SGK2: variants seen among roughly 807,000 people sequenced by gnomAD.
SGK2 encodes the protein serine/threonine-protein kinase Sgk2.
In SGK2, 36 loss-of-function variants were observed where a neutral mutation model predicts 47.5. The ratio of observed to expected loss-of-function variants is 0.76; its 90% CI spans 0.58 to 1.00. SGK2 has a LOEUF of 1.00. Ranked by LOEUF, SGK2 falls within the 50% of genes least tolerant of loss-of-function variation. SGK2 has a pLI of 0.00. For synonymous variants in SGK2, 157 were observed against 181.9 expected (o/e 0.86, Z 1.10); for missense variants, 404 against 467.4 (o/e 0.86, Z 1.25).
chr20:43,571,341 A>C (rs1980117904), intron 8 of SGK2, among the ~76,000 whole-genome samples: 1 of 152,186 alleles, frequency 6.6e-6, no homozygotes, highest in African/African-American at 2.4e-5. Context: ...ACTGGGCTCC[A>C]TGGAAACAGA....
intron 5 of SGK2, 78 bp downstream of exon 5, chr20:43,568,077 C>A: frequency 1.7e-6 from 2 of 1,156,750 alleles, no homozygotes; most frequent in African/African-American, 1.5e-5. Flanking sequence ...AGATGGGTCC[C>A]ACCTCTGACA....
intron 12 of SGK2, chr20:43,583,721 C>A: frequency 1.8e-6 from 1 of 551,580 alleles, no homozygotes; most frequent in Non-Finnish European, 2.3e-6. Flanking sequence ...GTAACCCCAG[C>A]ACTTTATGAG....
chr20:43,571,502 G>A (rs1221054165), intron 8 of SGK2, among the ~76,000 whole-genome samples: 2 of 152,204 alleles, frequency 1.3e-5, no homozygotes, highest in African/African-American at 4.8e-5. Flanking sequence ...GCCGGCAGGG[G>A]GAGGGCCTGA....
intron 5 of SGK2, among the ~76,000 whole-genome samples, chr20:43,568,714 G>A (rs867045934): frequency 2.7e-5 from 4 of 150,486 alleles, no homozygotes; most frequent in Non-Finnish European, 4.4e-5. Context: ...CAAGAGATCC[G>A]CTGGCCTCAG....
chr20:43,576,443 C>T (rs899842946), intron 11 of SGK2, 64 bp downstream of exon 11: 3 of 1,449,212 alleles, frequency 2.1e-6, no homozygotes, highest in Admixed American at 1.9e-5. Flanking sequence ...AGAGGCAGCT[C>T]AGAAGCACAT....
intron 11 of SGK2, among the ~76,000 whole-genome samples, chr20:43,577,073 G>T (rs1980504969): frequency 6.6e-6 from 1 of 152,146 alleles, no homozygotes; most frequent in Non-Finnish European, 1.5e-5. Flanking sequence ...ATAATGGGAG[G>T]GGGGGCAAAT....
At chr20:43,567,625 C>T (rs1186484837) in intron 3 of SGK2, 40 bp from the exon 4 acceptor site, 28 of 1,597,574 alleles carry the variant, frequency 1.8e-5, no homozygotes, top group Non-Finnish European at 2.3e-5. Flanking sequence ...GGTTTCCAGA[C>T]ATTGCAAATG....
At chr20:43,574,032 G>T (rs938213759) in intron 9 of SGK2, among the ~76,000 whole-genome samples, 16 of 152,204 alleles carry the variant, frequency 1.1e-4, no homozygotes, top group African/African-American at 3.1e-4. Flanking sequence ...TCTTAGAACA[G>T]CTTCTAGCAG....
chr20:43,581,819 G>T (rs193081483), intron 12 of SGK2, among the ~76,000 whole-genome samples: 1 of 151,808 alleles, frequency 6.6e-6, no homozygotes, highest in Non-Finnish European at 1.5e-5. Context: ...GTGAGCCACC[G>T]CACCTGGCCA....
At chr20:43,582,541 CCA>C (rs1042165423) in intron 12 of SGK2, among the ~76,000 whole-genome samples, 3 of 151,426 alleles carry the variant, frequency 2.0e-5, no homozygotes, top group African/African-American at 7.3e-5. Context: ...GCATATGCCA[CCA>C]CACCTGGCTA....
At chr20:43,559,619 G>T (rs532499912) in intron 1 of SGK2, among the ~76,000 whole-genome samples, 3 of 152,182 alleles carry the variant, frequency 2.0e-5, no homozygotes, top group Non-Finnish European at 4.4e-5. Flanking sequence ...ATAAGATCAA[G>T]TTGGCACTTG....
rs11467250 is a variant in SGK2 at position 43,571,064 on chromosome 20, G to GGTGTGTGTGTGTGTGT, written c.510+27_510+42dup. On this transcript the variant is annotated splice_donor_region_variant and intron_variant, in intron 8 of 12. Transcript: ENST00000373100. ...GAACATTCTCTTGGACTGCCAGGTT[G>GGTGTGTGTGTGTGTGT]GTGTGTGTGTGTGTGTGTGTGTGTG... 72 of 1,566,132 alleles carry GGTGTGTGTGTGTGTGT rather than the reference G, an allele frequency of 4.6e-5. No individual in the cohort carries two copies. The African/African-American group carries it at 9.1e-4, about 20-fold the overall frequency.
chr20:43,562,368 A>C (rs1231256085), intron 1 of SGK2, among the ~76,000 whole-genome samples: 1 of 144,732 alleles, frequency 6.9e-6, no homozygotes, highest in Non-Finnish European at 1.5e-5. Flanking sequence ...CAGAGAGCCT[A>C]GATCACTCCA....
In SGK2 at chr20:43,569,380, C is replaced by G. The variant is rs1270622856; in HGVS notation, c.229-5C>G. ...ACATGGACCCCTCTCTTTGTGACTC[C>G]ACAGCAGAGCCACATCATGGCAGAG... On this transcript the variant is annotated splice_region_variant and splice_polypyrimidine_tract_variant and intron_variant, in intron 5 of 12. Transcript: ENST00000373100. 4 of 1,613,768 alleles carry G rather than the reference C, an allele frequency of 2.5e-6. No individual in the cohort carries two copies. Among genetic ancestry groups the G allele is most frequent in the Non-Finnish European group, 3.4e-6 (4 of 1,179,960 alleles).
chr20:43,576,894 A>C (rs960247781), intron 11 of SGK2, among the ~76,000 whole-genome samples: 1 of 152,240 alleles, frequency 6.6e-6, no homozygotes, highest in African/African-American at 2.4e-5. Flanking sequence ...GTGATCTGAG[A>C]TCGTGCCATT....
intron 5 of SGK2, 70 bp from the exon 6 acceptor site, chr20:43,569,315 A>G (rs1486686477): frequency 1.3e-6 from 2 of 1,583,766 alleles, no homozygotes; most frequent in Non-Finnish European, 1.7e-6. Flanking sequence ...ACAAGCTTAT[A>G]TGGGCTGAGC....
Position 43,571,026 on chromosome 20 carries a change from A to T in SGK2, c.476A>T (p.Asp159Val). Reference sequence around the variant, plus strand: ...CTGTTTTCTCTTATTTTCTGCAGGGATCTGAAACCAGAGAACATTCTCTTG... The same window carrying T: ...CTGTTTTCTCTTATTTTCTGCAGGGTTCTGAAACCAGAGAACATTCTCTTG... ...YLHSLNIIYR[D>V]LKPENILLDC... Residue 159 changes from aspartate (D) to valine (V), a missense_variant and splice_region_variant, in exon 8 of 13, where the codon GAT (aspartate) becomes GTT (valine). Physicochemically the swap from Asp to Val is radical, Grantham distance 152. Coordinates refer to ENST00000373100, the MANE Select transcript of SGK2 (RefSeq NM_170693.3). 1 of 1,612,038 alleles carries T rather than the reference A, an allele frequency of 6.2e-7. No individual in the cohort carries two copies. Among genetic ancestry groups the T allele is most frequent in the Non-Finnish European group, 8.5e-7 (1 of 1,180,000 alleles).
In SGK2 at chr20:43,568,004, C is replaced by T. The variant is rs768808115; in HGVS notation, c.228+5C>T. 1.9e-6 allele frequency: 3 copies of T among 1,612,396 alleles called. No individual in the cohort carries two copies. In the African/African-American group the frequency reaches 4.0e-5, roughly 22 times the overall value. On this transcript the variant is annotated splice_donor_5th_base_variant and intron_variant, in intron 5 of 12. Coordinates refer to ENST00000373100, the MANE Select transcript of SGK2 (RefSeq NM_170693.3). ...TCCATCTTAAAGAAGAAAGAGGTAC[C>T]AGAGCTCGGGCACAGGCATTTCTTC...
intron 11 of SGK2, among the ~76,000 whole-genome samples, chr20:43,577,411 G>A (rs1328118004): frequency 6.7e-6 from 1 of 149,330 alleles, no homozygotes; most frequent in Non-Finnish European, 1.5e-5. Flanking sequence ...GAGTGCAGTG[G>A]TGCAATCTCA....
Sources: gnomAD v4.1 joint callset for allele counts (sites outside exome capture counted in the v4.1 genomes callset) on GRCh38, gnomAD v4.1.1 for gene constraint, MANE v1.5 for transcripts, NCBI Gene and HGNC (gene_info 2026-07-23, HGNC 2026-07-21) for gene names.